FBXO15: variants seen among roughly 807,000 people sequenced by gnomAD.
FBXO15 encodes F-box only protein 15.
A neutral mutation model predicts 49.5 loss-of-function variants in FBXO15; 30 were observed. The observed-to-expected ratio is 0.61, with a 90% CI of 0.45 to 0.82. FBXO15 has a LOEUF of 0.82. FBXO15 is among the 40% of genes least tolerant of loss of function. The probability of loss-of-function intolerance (pLI) is 0.00; values close to 1 mark genes in which losing one functional copy is unlikely to be tolerated. For synonymous variants in FBXO15, 250 were observed against 232.7 expected (o/e 1.07, Z -0.68); for missense variants, 591 against 631.5 (o/e 0.94, Z 0.69).
intron 2 of FBXO15, among the ~76,000 whole-genome samples, chr18:74,136,081 C>T (rs1395484652): frequency 1.3e-5 from 2 of 152,132 alleles, no homozygotes; most frequent in Non-Finnish European, 2.9e-5. Context: ...ATAAATAGAG[C>T]CAAGGGTTGG....
intron 8 of FBXO15, among the ~76,000 whole-genome samples, chr18:74,105,020 G>C (rs1913687747): frequency 6.6e-6 from 1 of 152,124 alleles, no homozygotes; most frequent in African/African-American, 2.4e-5. Flanking sequence ...CAGCAACATG[G>C]ATGAAACTGG....
intron 4 of FBXO15, 52 bp downstream of exon 4, chr18:74,130,364 A>T: frequency 1.2e-6 from 2 of 1,606,824 alleles, no homozygotes; most frequent in Non-Finnish European, 1.7e-6. Flanking sequence ...CGTCCTACGT[A>T]CACGATACTT....
intron 2 of FBXO15, among the ~76,000 whole-genome samples, chr18:74,138,952 T>C (rs546454397): frequency 1.3e-5 from 2 of 152,180 alleles, no homozygotes; most frequent in Non-Finnish European, 2.9e-5. Context: ...ACAAGATAAT[T>C]TGGGAAACTA....
At chr18:74,099,721 A>G (rs1278611487) in intron 8 of FBXO15, 1 of 152,206 alleles carries the variant, frequency 6.6e-6, no homozygotes, top group Non-Finnish European at 1.5e-5. Context: ...GGGTGGGAAA[A>G]TACATTCCAT....
chr18:74,137,733 T>C (rs1318463117), intron 2 of FBXO15, among the ~76,000 whole-genome samples: 1 of 152,162 alleles, frequency 6.6e-6, no homozygotes, highest in African/African-American at 2.4e-5. Context: ...GACAGGATGA[T>C]AGGGAGATAA....
At chr18:74,138,406 G>A (rs1035213611) in intron 2 of FBXO15, among the ~76,000 whole-genome samples, 2 of 152,034 alleles carry the variant, frequency 1.3e-5, no homozygotes, top group East Asian at 1.9e-4. Context: ...GCAGGTCACC[G>A]ACTGCTCTTG....
intron 2 of FBXO15, 82 bp from the exon 3 acceptor site, chr18:74,135,948 G>A: frequency 1.8e-6 from 2 of 1,121,852 alleles, no homozygotes; most frequent in Non-Finnish European, 2.6e-6. Flanking sequence ...ACAACTGGCT[G>A]CTCATCTCTA....
intron 2 of FBXO15, among the ~76,000 whole-genome samples, chr18:74,137,364 T>C (rs1324507536): frequency 6.6e-6 from 1 of 152,226 alleles, no homozygotes; most frequent in Non-Finnish European, 1.5e-5. Context: ...CAAAACTTCA[T>C]ATCTATTATT....
chr18:74,143,520 T>G (rs1264483431), intron 1 of FBXO15, among the ~76,000 whole-genome samples: 1 of 152,230 alleles, frequency 6.6e-6, no homozygotes, highest in African/African-American at 2.4e-5. Flanking sequence ...TATGCTCTTT[T>G]AAGCCAGGAA....
intron 8 of FBXO15, among the ~76,000 whole-genome samples, chr18:74,107,532 G>A (rs1185254638): frequency 6.6e-6 from 1 of 152,152 alleles, no homozygotes; most frequent in Non-Finnish European, 1.5e-5. Context: ...TGGAGAGACA[G>A]ACAGGAGAAT....
At chr18:74,118,904 C>T (rs1914358211) in intron 8 of FBXO15, among the ~76,000 whole-genome samples, 2 of 152,136 alleles carry the variant, frequency 1.3e-5, no homozygotes, top group African/African-American at 2.4e-5. Flanking sequence ...CAGTCATGTA[C>T]TTTAGAAGGG....
At chr18:74,076,392 A>G (rs1300129813) in intron 9 of FBXO15, 1 of 152,226 alleles carries the variant, frequency 6.6e-6, no homozygotes, top group Non-Finnish European at 1.5e-5. Context: ...AGGTCCTTAT[A>G]AAAGAGGCCC....
intron 8 of FBXO15, among the ~76,000 whole-genome samples, chr18:74,116,288 G>T (rs1914226045): frequency 6.6e-6 from 1 of 152,128 alleles, no homozygotes; most frequent in African/African-American, 2.4e-5. Context: ...ACATAGAAAA[G>T]ATTATACTTT....
At chr18:74,104,742 T>C (rs756209653) in intron 8 of FBXO15, among the ~76,000 whole-genome samples, 5 of 152,130 alleles carry the variant, frequency 3.3e-5, no homozygotes, top group Non-Finnish European at 7.4e-5. Flanking sequence ...ACAACAATTA[T>C]AAATATCTGT....
rs573656392 is a variant in FBXO15, at chr18:74,082,469, C to T, written c.1139-418G>A. Among the ~76,000 whole-genome samples, 18 of 152,250 alleles carry T rather than the reference C, an allele frequency of 1.2e-4. No individual in the cohort carries two copies. The South Asian group carries it at 1.7e-3, about 14-fold the overall frequency. The stretch of plus-strand genomic sequence containing the variant: ...AAGAAACAAGGGGCTGGAGAGCAGG[C>T]GAACATGAAGAGGAGTGGAAGAAAC... On this transcript the variant is annotated intron_variant, in intron 8 of 9. Transcript: ENST00000419743.
chr18:74,108,696 T>C (rs1913880157), intron 8 of FBXO15, among the ~76,000 whole-genome samples: 1 of 152,052 alleles, frequency 6.6e-6, no homozygotes, highest in Non-Finnish European at 1.5e-5. Flanking sequence ...AAACCATAGA[T>C]ACAGGAAGCT....
chr18:74,126,240 G>C (rs1301176919), intron 5 of FBXO15, 139 bp from the exon 6 acceptor site: 1 of 1,152,378 alleles, frequency 8.7e-7, no homozygotes, highest in Non-Finnish European at 1.2e-6. Context: ...ATGTTGGCAG[G>C]GTGAGGACAC....
In FBXO15 at chr18:74,129,465, A is replaced by G; in HGVS notation, c.725T>C (p.Leu242Ser). 6.2e-7 allele frequency: 1 copy of G among 1,613,984 alleles called. No individual in the cohort carries two copies. Residue 242 changes from leucine (L) to serine (S), a missense_variant, in exon 5 of 10, where the codon TTA (leucine) becomes TCA (serine). Coordinates refer to ENST00000419743, the MANE Select transcript of FBXO15 (RefSeq NM_001142958.2). ...KWPCLASLSTLDLCGMTPVFT... is the reference protein window; with the variant it reads ...KWPCLASLSTSDLCGMTPVFT... ...AACTGGTGTCATGCCACATAAATCTAAGGTTGACAATGATGCTAGGCATGG... is the reference window on the plus strand; with the variant it reads ...AACTGGTGTCATGCCACATAAATCTGAGGTTGACAATGATGCTAGGCATGG...
chr18:74,117,341 C>G (rs1221545995), intron 8 of FBXO15, among the ~76,000 whole-genome samples: 1 of 152,094 alleles, frequency 6.6e-6, no homozygotes, highest in Non-Finnish European at 1.5e-5. Flanking sequence ...TGCGTTATAA[C>G]AACCATATAA....
Sources: gnomAD v4.1 joint callset for allele counts (sites outside exome capture counted in the v4.1 genomes callset) on GRCh38, gnomAD v4.1.1 for gene constraint, MANE v1.5 for transcripts, NCBI Gene and HGNC (gene_info 2026-07-23, HGNC 2026-07-21) for gene names.